The following SRD5A2 variants were observed in gnomAD, a reference collection of about 807,000 sequenced individuals.
SRD5A2 encodes the protein steroid 5 alpha-reductase 2.
Under a neutral mutation model 27.4 loss-of-function variants are expected in SRD5A2, and 30 were observed. That is an observed-to-expected ratio of 1.10 (90% CI 0.82 to 1.49). The LOEUF is 1.49. Among genes scored for constraint, SRD5A2 ranks in the 40% most tolerant of loss-of-function variants. The pLI, the probability that SRD5A2 is intolerant of heterozygous loss-of-function variation, is 0.00. For synonymous variants in SRD5A2, 141 were observed against 133.6 expected (o/e 1.06, Z -0.38); for missense variants, 348 against 323.4 (o/e 1.08, Z -0.58).
chr2:31,629,482 C>A, the SRD5A2 span, among the ~76,000 whole-genome samples: 1 of 152,172 alleles, frequency 6.6e-6, no homozygotes, highest in Non-Finnish European at 1.5e-5. Context: ...AAACACTGGG[C>A]ACCCATCAGC....
intron 3 of SRD5A2, 116 bp from the exon 4 acceptor site, chr2:31,529,573 C>G: frequency 7.2e-7 from 1 of 1,391,394 alleles, no homozygotes; most frequent in South Asian, 1.5e-5. Context: ...GGGCTGGAGG[C>G]TCCCTCCATA....
chr2:31,643,555 CT>C, the SRD5A2 span, among the ~76,000 whole-genome samples: 1 of 151,990 alleles, frequency 6.6e-6, no homozygotes, highest in African/African-American at 2.4e-5. Flanking sequence ...TACGTAGTAC[CT>C]AGATCTTTAT....
chr2:31,545,890 CAAAA>C (rs752112997), intron 1 of SRD5A2, among the ~76,000 whole-genome samples: 14 of 151,994 alleles, frequency 9.2e-5, no homozygotes, highest in Non-Finnish European at 1.8e-4. Flanking sequence ...AGTTGACACA[CAAAA>C]ATCAGTTGCA....
chr2:31,565,689 T>A (rs1256808980), intron 1 of SRD5A2, among the ~76,000 whole-genome samples: 1 of 151,892 alleles, frequency 6.6e-6, no homozygotes, highest in Non-Finnish European at 1.5e-5. Flanking sequence ...CATGTAATAA[T>A]AGACCTTCAA....
intron 4 of SRD5A2, chr2:31,527,722 T>C (rs1665813720): frequency 6.6e-6 from 1 of 152,184 alleles, no homozygotes; most frequent in Non-Finnish European, 1.5e-5. Context: ...TATGACTCTT[T>C]TATGGGCTAG....
the SRD5A2 span, among the ~76,000 whole-genome samples, chr2:31,612,358 A>G: frequency 6.6e-6 from 1 of 152,092 alleles, no homozygotes; most frequent in South Asian, 2.1e-4. Flanking sequence ...CAAAAATGTC[A>G]GTAGTGTTTC....
the SRD5A2 span, among the ~76,000 whole-genome samples, chr2:31,633,075 A>G: frequency 6.6e-6 from 1 of 152,096 alleles, no homozygotes; most frequent in Non-Finnish European, 1.5e-5. Flanking sequence ...CGCCAAGCAG[A>G]TATTGAAGCC....
chr2:31,549,409 T>C (rs1010585309), intron 1 of SRD5A2, among the ~76,000 whole-genome samples: 1 of 151,938 alleles, frequency 6.6e-6, no homozygotes, highest in African/African-American at 2.4e-5. Flanking sequence ...ATTTTCTTAC[T>C]AGGTACAGAG....
At chr2:31,589,585 T>C in the SRD5A2 span, among the ~76,000 whole-genome samples, 1 of 152,140 alleles carries the variant, frequency 6.6e-6, no homozygotes, top group Non-Finnish European at 1.5e-5. Context: ...TGCCGAGGCC[T>C]GGGGGAGCCC....
intron 1 of SRD5A2, among the ~76,000 whole-genome samples, chr2:31,558,543 G>C (rs993226198): frequency 6.6e-6 from 1 of 152,188 alleles, no homozygotes; most frequent in African/African-American, 2.4e-5. Context: ...TCTGTCTTCA[G>C]ATGGCCATCG....
At chr2:31,535,084 C>T (rs1265371090) in intron 1 of SRD5A2, among the ~76,000 whole-genome samples, 5 of 151,122 alleles carry the variant, frequency 3.3e-5, no homozygotes, top group East Asian at 1.9e-4. Flanking sequence ...TGCAGTGGCA[C>T]GATCTCGGCT....
chr2:31,635,966 G>A, the SRD5A2 span, among the ~76,000 whole-genome samples: 2 of 152,012 alleles, frequency 1.3e-5, no homozygotes, highest in African/African-American at 2.4e-5. Flanking sequence ...AAAGTTTGAA[G>A]TCAAGTAGTG....
rs1665706743 is a variant in SRD5A2 at position 31,523,648 on chromosome 2, G to A, written c.*2548C>T. The A allele has an allele frequency of 4.5e-6, 1 of 220,884 alleles. No homozygotes were observed. 13.7% of individuals were successfully genotyped at this position (220,884 alleles called of 1,614,324 possible). ...GCCTCTTCCGTGAAAGCTTCAGCAAGACCAAGATAGAGTATCTTGTGAGCT... is the reference window on the plus strand; with the variant it reads ...GCCTCTTCCGTGAAAGCTTCAGCAAAACCAAGATAGAGTATCTTGTGAGCT... On this transcript the variant is annotated 3_prime_UTR_variant, in exon 5 of 5. Coordinates refer to ENST00000622030, the MANE Select transcript of SRD5A2 (RefSeq NM_000348.4).
intron 1 of SRD5A2, among the ~76,000 whole-genome samples, chr2:31,545,688 C>T (rs543277794): frequency 6.6e-6 from 1 of 152,130 alleles, no homozygotes. Context: ...TTCTATTCAA[C>T]ATAGTGCTAG....
At chr2:31,631,343 C>T in the SRD5A2 span, among the ~76,000 whole-genome samples, 1 of 152,110 alleles carries the variant, frequency 6.6e-6, no homozygotes, top group Non-Finnish European at 1.5e-5. Flanking sequence ...CATAACTAAT[C>T]CGATAAGCAG....
the SRD5A2 span, among the ~76,000 whole-genome samples, chr2:31,662,636 G>A: frequency 6.6e-6 from 1 of 152,022 alleles, no homozygotes; most frequent in East Asian, 1.9e-4. Context: ...CTCTATTTTG[G>A]TATCACCCTT....
intron 1 of SRD5A2, among the ~76,000 whole-genome samples, chr2:31,579,580 T>A (rs1184578017): frequency 6.6e-6 from 1 of 152,224 alleles, no homozygotes; most frequent in East Asian, 1.9e-4. Flanking sequence ...CAGATTTGCA[T>A]CTTAGCGGGC....
chr2:31,583,651 C>CAAAAAAAAAAAAAAAAAAAAAA (rs1558379512), upstream of SRD5A2, among the ~76,000 whole-genome samples: 1 of 66,514 alleles, frequency 1.5e-5, no homozygotes, highest in Non-Finnish European at 2.9e-5. Context: ...AAAAAAAAAA[C>CAAAAAAAAAAAAAAAAAAAAAA]CAAAAAAAAA....
chr2:31,583,191 C>T (rs1195218268), upstream of SRD5A2, among the ~76,000 whole-genome samples: 2 of 152,204 alleles, frequency 1.3e-5, no homozygotes, highest in African/African-American at 4.8e-5. Flanking sequence ...AGAAACTTAG[C>T]TGAGGCTCTC....
Sources: allele counts gnomAD v4.1 joint callset (sites outside exome capture counted in the v4.1 genomes callset), GRCh38; gene constraint gnomAD v4.1.1; transcripts MANE v1.5; gene names NCBI Gene and HGNC (gene_info 2026-07-23, HGNC 2026-07-21).